The following ESD variants were observed in gnomAD, a reference collection of about 807,000 sequenced individuals.
The protein encoded by ESD is S-formylglutathione hydrolase.
In ESD, 34 loss-of-function variants were observed where a neutral mutation model predicts 38.1. The ratio of observed to expected loss-of-function variants is 0.89; its 90% CI spans 0.68 to 1.19. The LOEUF (loss-of-function observed/expected upper bound fraction) is 1.19, where lower values mean the gene tolerates loss of function less well. ESD is among the 50% of genes most tolerant of loss of function. ESD has a pLI of 0.00. For synonymous variants in ESD, 97 were observed against 107.0 expected (o/e 0.91, Z 0.58); for missense variants, 334 against 327.2 (o/e 1.02, Z -0.16).
chr13:46,794,333 C>G (rs1319082565), intron 1 of ESD, among the ~76,000 whole-genome samples: 2 of 151,996 alleles, frequency 1.3e-5, no homozygotes, highest in Admixed American at 1.3e-4. Context: ...CTGTTCTTCC[C>G]TTTATTTTTT....
intron 9 of ESD, among the ~76,000 whole-genome samples, chr13:46,772,388 C>CA (rs374069455): frequency 0.011 from 1,610 of 151,062 alleles, 32 homozygotes; most frequent in African/African-American, 0.037. Context: ...AATAGTCTTC[C>CA]AAAAAAAAAA....
chr13:46,796,006 TTTC>T (rs1875561856), intron 1 of ESD, among the ~76,000 whole-genome samples: 1 of 152,120 alleles, frequency 6.6e-6, no homozygotes, highest in Admixed American at 6.5e-5. Flanking sequence ...TAGGTAAGGA[TTTC>T]TATTAAACTC....
At chr13:46,776,888 CAT>C (rs1317426386) in intron 9 of ESD, 1 of 151,656 alleles carries the variant, frequency 6.6e-6, no homozygotes, top group Non-Finnish European at 1.5e-5. Context: ...ACTATGGTAG[CAT>C]ATATAGAGTT....
chr13:46,779,823 G>T, intron 8 of ESD, 112 bp downstream of exon 8: 1 of 438,534 alleles, frequency 2.3e-6, no homozygotes, highest in Non-Finnish European at 4.0e-6. Flanking sequence ...TTGCTAATTT[G>T]TCTCAGCTCT....
chr13:46,772,798 C>T (rs556096935), intron 9 of ESD, among the ~76,000 whole-genome samples: 2 of 152,246 alleles, frequency 1.3e-5, no homozygotes, highest in Admixed American at 1.3e-4. Flanking sequence ...GATTCTCCTG[C>T]CTCAGCCTCC....
At chr13:46,780,087 G>C in intron 7 of ESD, 54 bp from the exon 8 acceptor site, 2 of 1,200,958 alleles carry the variant, frequency 1.7e-6, no homozygotes, top group Non-Finnish European at 2.3e-6. Flanking sequence ...AATTAAATAT[G>C]AATAGATATT....
intron 3 of ESD, among the ~76,000 whole-genome samples, chr13:46,788,673 C>CAAAAAA (rs10599927): frequency 1.1e-4 from 9 of 82,400 alleles, no homozygotes; most frequent in East Asian, 3.0e-4. Context: ...TATGTAAAAG[C>CAAAAAA]AAAAAAAAAA....
In ESD at chr13:46,777,605, G is replaced by T. The variant is rs779585231; in HGVS notation, c.619C>A (p.Leu207Ile). 4.0e-5 allele frequency: 65 copies of T among 1,605,406 alleles called. No individual in the cohort carries two copies. The East Asian group carries it at 8.5e-4, about 21-fold the overall frequency. Reference sequence around the variant, plus strand: ...TGAGATCCTGGATAGGATTTCACAAGGTGGGTAGCATCATAAGCCTGTAAA... The same window carrying T: ...TGAGATCCTGGATAGGATTTCACAATGTGGGTAGCATCATAAGCCTGTAAA... ...SKWKAYDATH[L>I]VKSYPGSQLD... Residue 207 changes from leucine (L) to isoleucine (I), a missense_variant, in exon 9 of 10, where the codon CTT becomes ATT. Coordinates refer to ENST00000378720, the MANE Select transcript of ESD (RefSeq NM_001984.2).
rs995488170 is a variant in ESD, at chr13:46,782,455, T to G, written c.381+212A>C. 7.2e-5 allele frequency among the ~76,000 whole-genome samples: 11 copies of G among 151,862 alleles called. No individual in the cohort carries two copies. In the South Asian group the frequency reaches 8.3e-4, roughly 11 times the overall value. On this transcript the variant is annotated intron_variant, in intron 6 of 9. Coordinates refer to ENST00000378720, the MANE Select transcript of ESD (RefSeq NM_001984.2). ...ATTTTCTTGGTTATTCTGGGTAGTA[T>G]AAACAGGTCTCAATATAATGATTAT...
rs1403764859 is a variant in ESD at position 46,784,683 on chromosome 13, TA to T, written c.158-334del. Among the ~76,000 whole-genome samples the T allele has an allele frequency of 9.9e-5, 15 of 152,150 alleles. No individual in the cohort carries two copies. In the South Asian group the frequency reaches 1.4e-3, roughly 15 times the overall value. On this transcript the variant is annotated intron_variant, in intron 4 of 9. Coordinates refer to ENST00000378720, the MANE Select transcript of ESD (RefSeq NM_001984.2). Reference sequence around the variant, plus strand: ...GGAAAACAAGCTCATTTGGTATTATTATTTTTTTTGCTTTAGAAACAATTTT... The same window carrying T: ...GGAAAACAAGCTCATTTGGTATTATTTTTTTTTTGCTTTAGAAACAATTTT...
At chr13:46,784,191 C>T in intron 5 of ESD, 61 bp downstream of exon 5, 1 of 1,337,056 alleles carries the variant, frequency 7.5e-7, no homozygotes. Context: ...TATCATACCA[C>T]TTTATACCAG....
Position 46,784,248 on chromosome 13 carries a change from T to C in ESD, c.256+4A>G, listed in dbSNP as rs774076562. On this transcript the variant is annotated splice_donor_region_variant and intron_variant, in intron 5 of 9. Transcript: ENST00000378720. ...CAAAGGATATCTAGACCACAAACAC[T>C]TACGAGGGCTGGTATCTGGAGCAAT... 4 of 1,608,022 alleles carry C rather than the reference T, an allele frequency of 2.5e-6. No individual in the cohort carries two copies. Among genetic ancestry groups the C allele is most frequent in the Admixed American group, 3.3e-5 (2 of 59,738 alleles).
chr13:46,796,584 A>G (rs1014882865), intron 1 of ESD, among the ~76,000 whole-genome samples: 1 of 152,126 alleles, frequency 6.6e-6, no homozygotes, highest in African/African-American at 2.4e-5. Context: ...GTCAAACTCC[A>G]AAGACACGTG....
At chr13:46,779,742 TATATATAAAATA>T (rs1217586070) in intron 8 of ESD, among the ~76,000 whole-genome samples, 181 bp downstream of exon 8, 1 of 146,252 alleles carries the variant, frequency 6.8e-6, no homozygotes, top group Non-Finnish European at 1.5e-5. Flanking sequence ...TATATAATAA[TATATATAAAATA>T]ATATATATAA....
chr13:46,793,661 A>C (rs1458124490), intron 1 of ESD, among the ~76,000 whole-genome samples: 1 of 152,224 alleles, frequency 6.6e-6, no homozygotes, highest in East Asian at 1.9e-4. Context: ...ATTTTGCCAT[A>C]AAGCTTGTTG....
At chr13:46,782,917 T>C in intron 5 of ESD, 126 bp from the exon 6 acceptor site, 1 of 1,186,388 alleles carries the variant, frequency 8.4e-7, no homozygotes, top group Non-Finnish European at 1.2e-6. Context: ...GTGAGCTCTC[T>C]GCCTTTTGGA....
chr13:46,780,660 T>C (rs560081324), intron 7 of ESD, among the ~76,000 whole-genome samples: 3 of 151,574 alleles, frequency 2.0e-5, no homozygotes, highest in Non-Finnish European at 4.4e-5. Context: ...CCTTAAAAAA[T>C]GGAAATAAAA....
intron 8 of ESD, among the ~76,000 whole-genome samples, chr13:46,778,932 T>C (rs1310930099): frequency 1.3e-5 from 2 of 151,822 alleles, no homozygotes; most frequent in African/African-American, 2.4e-5. Flanking sequence ...TAGGGGTTCA[T>C]GTAGGAATGA....
At chr13:46,792,865 A>G (rs1164942726) in intron 2 of ESD, among the ~76,000 whole-genome samples, 1 of 151,994 alleles carries the variant, frequency 6.6e-6, no homozygotes, top group African/African-American at 2.4e-5. Context: ...AACAAATAAA[A>G]TTTATTTGCT....
Sources: gnomAD v4.1 joint callset for allele counts (sites outside exome capture counted in the v4.1 genomes callset) on GRCh38, gnomAD v4.1.1 for gene constraint, MANE v1.5 for transcripts, NCBI Gene and HGNC (gene_info 2026-07-23, HGNC 2026-07-21) for gene names.